The following CDH8 variants were observed in gnomAD, a reference collection of about 807,000 sequenced individuals.
The protein encoded by CDH8 is cadherin 8, also known as cadherin-8.
Under a neutral mutation model 68.1 loss-of-function variants are expected in CDH8, and 17 were observed. The observed-to-expected ratio is 0.25, with a 90% confidence interval of 0.17 to 0.37. CDH8 has a LOEUF of 0.37. Among genes scored for constraint, CDH8 ranks in the 10% least tolerant of loss-of-function variants. The pLI is 1.00. For synonymous variants in CDH8, 372 were observed against 365.1 expected, an observed-to-expected ratio of 1.02 and a Z score of -0.21; for missense variants, 763 against 999.3, an observed-to-expected ratio of 0.76 and a Z score of 3.19.
intron 8 of CDH8, among the ~76,000 whole-genome samples, chr16:61,733,290 C>A (rs1488954360): frequency 6.6e-6 from 1 of 151,678 alleles, no homozygotes; most frequent in Non-Finnish European, 1.5e-5. Context: ...TAATTACATA[C>A]TTTTGGGTGT....
intron 7 of CDH8, among the ~76,000 whole-genome samples, chr16:61,808,878 G>A (rs1389150588): frequency 6.6e-6 from 1 of 152,108 alleles, no homozygotes; most frequent in Non-Finnish European, 1.5e-5. Flanking sequence ...GGATGACGGT[G>A]GCTGTGTTCC....
intron 4 of CDH8, among the ~76,000 whole-genome samples, chr16:61,845,923 C>T (rs887625055): frequency 1.3e-5 from 2 of 152,044 alleles, no homozygotes; most frequent in Admixed American, 6.6e-5. Flanking sequence ...TATTTATTTT[C>T]ATTTTATAAC....
At chr16:61,774,047 T>A (rs1960847005) in intron 8 of CDH8, among the ~76,000 whole-genome samples, 1 of 152,040 alleles carries the variant, frequency 6.6e-6, no homozygotes, top group South Asian at 2.1e-4. Flanking sequence ...TTAGCCCCAG[T>A]TTCTAAGCTT....
At position 61,863,506 on chromosome 16, in the gene CDH8, CA is replaced by C. The variant is rs1410064331; in HGVS notation, c.548-6269del. Among the ~76,000 whole-genome samples, 9 of 152,168 alleles carry C rather than the reference CA, an allele frequency of 5.9e-5. No individual in the cohort carries two copies. In the East Asian group the frequency reaches 1.7e-3, roughly 29 times the overall value. Reference sequence around the variant, plus strand: ...ATACTTTTTTTTATGAGTAAGTCAGCACACCAATTCTGCACATTATTCAGAA... The same window carrying C: ...ATACTTTTTTTTATGAGTAAGTCAGCCACCAATTCTGCACATTATTCAGAA... On this transcript the variant is annotated intron_variant, in intron 3 of 11. Coordinates refer to ENST00000577390, the MANE Select transcript of CDH8 (RefSeq NM_001796.5).
At chr16:61,889,467 C>CA (rs1264042493) in intron 3 of CDH8, among the ~76,000 whole-genome samples, 11 of 152,110 alleles carry the variant, frequency 7.2e-5, no homozygotes, top group African/African-American at 2.7e-4. Context: ...CCATGAGAGG[C>CA]AAAGTTCTGA....
intron 2 of CDH8, among the ~76,000 whole-genome samples, chr16:61,975,245 G>GA (rs1414453578): frequency 1.3e-5 from 2 of 151,922 alleles, no homozygotes; most frequent in Non-Finnish European, 2.9e-5. Flanking sequence ...AAGGAAGAAA[G>GA]AAAAAAACCG....
At chr16:62,012,657 C>G (rs1252373342) in intron 2 of CDH8, among the ~76,000 whole-genome samples, 1 of 151,954 alleles carries the variant, frequency 6.6e-6, no homozygotes, top group Non-Finnish European at 1.5e-5. Flanking sequence ...AAATAAAATG[C>G]AGAAAATTAT....
At chr16:61,839,148 A>C (rs900371080) in intron 4 of CDH8, among the ~76,000 whole-genome samples, 1 of 152,108 alleles carries the variant, frequency 6.6e-6, no homozygotes, top group Non-Finnish European at 1.5e-5. Flanking sequence ...CCCATAAAAC[A>C]CATCAAAATG....
At chr16:61,717,199 G>A (rs962787761) in intron 9 of CDH8, among the ~76,000 whole-genome samples, 1 of 151,598 alleles carries the variant, frequency 6.6e-6, no homozygotes, top group African/African-American at 2.4e-5. Flanking sequence ...AAAATCTAAT[G>A]TTTCATAATT....
intron 2 of CDH8, among the ~76,000 whole-genome samples, chr16:61,978,662 C>T (rs886129241): frequency 6.6e-6 from 1 of 152,216 alleles, no homozygotes; most frequent in Non-Finnish European, 1.5e-5. Context: ...AGAAAATTGA[C>T]GTTCTGAGAC....
chr16:61,753,090 A>G (rs1375728936), intron 8 of CDH8, among the ~76,000 whole-genome samples: 1 of 151,878 alleles, frequency 6.6e-6, no homozygotes, highest in Non-Finnish European at 1.5e-5. Context: ...ACGTGTGATG[A>G]GCAAGAAGAT....
At chr16:61,823,100 A>G (rs559511506) in intron 5 of CDH8, among the ~76,000 whole-genome samples, 94 of 152,046 alleles carry the variant, frequency 6.2e-4, no homozygotes, top group African/African-American at 2.2e-3. Flanking sequence ...CTCCATTTCA[A>G]TAATTTTGTT....
At chr16:61,788,254 A>G (rs1373556532) in intron 8 of CDH8, among the ~76,000 whole-genome samples, 1 of 152,098 alleles carries the variant, frequency 6.6e-6, no homozygotes, top group East Asian at 1.9e-4. Context: ...AATACAAACA[A>G]AGTAATCATT....
chr16:61,999,552 C>T (rs543007229), intron 2 of CDH8, among the ~76,000 whole-genome samples: 10 of 152,244 alleles, frequency 6.6e-5, no homozygotes, highest in African/African-American at 2.4e-4. Flanking sequence ...TAACCTCTTG[C>T]AGTGTATCAG....
intron 8 of CDH8, among the ~76,000 whole-genome samples, chr16:61,784,233 T>C (rs1182819185): frequency 6.6e-6 from 1 of 151,782 alleles, no homozygotes; most frequent in Non-Finnish European, 1.5e-5. Flanking sequence ...AATAAAAGGA[T>C]GGAGGAAGAT....
At position 61,727,177 on chromosome 16, in the gene CDH8, T is replaced by C. The variant is rs770141191; in HGVS notation, c.1453A>G (p.Lys485Glu). 6.2e-7 allele frequency: 1 copy of C among 1,610,116 alleles called. No homozygotes were observed. Reference sequence around the variant, plus strand: ...GCGTTGTCATTGACATCCAGCACTTTAATAGCAACAGGTACTCGTGATATC... The same window carrying C: ...GCGTTGTCATTGACATCCAGCACTTCAATAGCAACAGGTACTCGTGATATC... ...SQISRVPVAI[K>E]VLDVNDNAPE... is the part of the protein sequence containing the mutation. Residue 485 changes from lysine to glutamate, a missense_variant, in exon 9 of 12, where the codon AAA (lysine) becomes GAA (glutamate). By Grantham distance (56) the Lys-to-Glu change is moderately conservative (BLOSUM62 1). Transcript: ENST00000577390.
chr16:61,872,934 T>A (rs1250603798), intron 3 of CDH8, among the ~76,000 whole-genome samples: 1 of 152,166 alleles, frequency 6.6e-6, no homozygotes, highest in African/African-American at 2.4e-5. Flanking sequence ...TGTTAAGAAG[T>A]TAATTAGCAC....
At chr16:61,709,933 T>C (rs1964601870) in intron 10 of CDH8, among the ~76,000 whole-genome samples, 1 of 152,134 alleles carries the variant, frequency 6.6e-6, no homozygotes, top group Non-Finnish European at 1.5e-5. Context: ...TGAGGATCAG[T>C]GTTTTCCCAA....
At chr16:61,847,538 T>TTATATATATATATATA (rs56946081) in intron 4 of CDH8, among the ~76,000 whole-genome samples, 3 of 136,740 alleles carry the variant, frequency 2.2e-5, no homozygotes, top group Non-Finnish European at 3.2e-5. Context: ...TCCAATCATT[T>TTATATATATATATATA]TATATATATA....
Sources: gnomAD v4.1 joint callset for allele counts (sites outside exome capture counted in the v4.1 genomes callset) on GRCh38, gnomAD v4.1.1 for gene constraint, MANE v1.5 for transcripts, NCBI Gene and HGNC (gene_info 2026-07-23, HGNC 2026-07-21) for gene names.